Variants in DOCK4 observed in about 807,000 individuals in gnomAD.
DOCK4 encodes dedicator of cytokinesis protein 4.
DOCK4 carries 97 observed loss-of-function variants against 268.1 expected under a neutral mutation model. The observed-to-expected ratio is 0.36, with a 90% CI of 0.31 to 0.43. The LOEUF is 0.43. Ranked by LOEUF, DOCK4 falls within the 20% of genes least tolerant of loss-of-function variation. The pLI is 1.00. For synonymous variants in DOCK4, 954 were observed against 887.2 expected (o/e 1.08, Z -1.34); for missense variants, 2,145 against 2,455.7 (o/e 0.87, Z 2.67).
intron 47 of DOCK4, 151 bp from the exon 48 acceptor site, chr7:111,739,628 A>G: frequency 1.5e-6 from 1 of 655,476 alleles, no homozygotes; most frequent in Non-Finnish European, 2.6e-6. Flanking sequence ...AGATTGACAA[A>G]GAAGTCTGCA....
chr7:111,726,244 G>A lies in DOCK4; in HGVS notation c.*2030C>T, dbSNP rs1471858773. The A allele has an allele frequency of 1.3e-5, 2 of 150,252 alleles. No individual in the cohort carries two copies. 9.3% of individuals were successfully genotyped at this position (150,252 alleles called of 1,614,324 possible). A position where few individuals can be genotyped will look rare whatever the true frequency, so the allele number is the denominator to read the frequency against. On this transcript the variant is annotated 3_prime_UTR_variant, in exon 53 of 53. Coordinates refer to ENST00000428084, the MANE Select transcript of DOCK4 (RefSeq NM_001363540.2). The stretch of plus-strand genomic sequence containing the variant: ...AAATACACACACATGATAAATTCAA[G>A]ATAAATTCAACTGCTCACTGCCAAA...
intron 41 of DOCK4, among the ~76,000 whole-genome samples, chr7:111,757,443 CAAG>C (rs1488298235): frequency 1.3e-5 from 2 of 152,110 alleles, no homozygotes. Context: ...AAAGCAACTG[CAAG>C]AAGAACTATA....
At chr7:112,129,604 A>G (rs180943333) in intron 1 of DOCK4, among the ~76,000 whole-genome samples, 3 of 152,318 alleles carry the variant, frequency 2.0e-5, no homozygotes, top group African/African-American at 4.8e-5. Flanking sequence ...TTTTGATATA[A>G]CTGTATAAGA....
chr7:112,120,076 T>G (rs974968977), intron 1 of DOCK4, among the ~76,000 whole-genome samples: 1 of 152,118 alleles, frequency 6.6e-6, no homozygotes, highest in African/African-American at 2.4e-5. Flanking sequence ...CTCGATCTCC[T>G]GACCTAGTGA....
chr7:111,784,568 A>G (rs1799035991), intron 32 of DOCK4: 2 of 429,240 alleles, frequency 4.7e-6, no homozygotes, highest in Non-Finnish European at 9.4e-6. Context: ...CTAATCACAG[A>G]GGATTTTCCA....
intron 1 of DOCK4, among the ~76,000 whole-genome samples, chr7:112,024,434 C>G (rs1802596932): frequency 1.3e-5 from 2 of 152,186 alleles, no homozygotes; most frequent in African/African-American, 4.8e-5. Flanking sequence ...TACTGTTAGC[C>G]TTCCATCCCA....
intron 1 of DOCK4, among the ~76,000 whole-genome samples, chr7:112,101,845 CTTT>C (rs72188849): frequency 0.32 from 47,208 of 146,304 alleles, 7,844 homozygotes; most frequent in Non-Finnish European, 0.38. Context: ...TTTTCTTTTT[CTTT>C]TTTTTTTTTT....
chr7:111,998,174 C>T (rs915954437), intron 4 of DOCK4, among the ~76,000 whole-genome samples: 1 of 152,138 alleles, frequency 6.6e-6, no homozygotes, highest in East Asian at 1.9e-4. Flanking sequence ...CCAAAAAGAA[C>T]CAACTCCTTC....
At position 112,165,368 on chromosome 7, in the gene DOCK4, G is replaced by A. The variant is rs145293615; in HGVS notation, c.37+40734C>T. ...ATCTATCTATCTTTCCATGCTCTAC[G>A]TCCATGTGATCAGATTTTTTAGCTC... On this transcript the variant is annotated intron_variant, in intron 1 of 52. Transcript: ENST00000428084. 7.4e-3 allele frequency among the ~76,000 whole-genome samples: 1,122 copies of A among 151,376 alleles called. 20 individuals carry two copies. Among genetic ancestry groups the A allele is most frequent in the African/African-American group, 0.026 (1,062 of 41,124 alleles).
chr7:112,109,952 G>T (rs1194079266), intron 1 of DOCK4, among the ~76,000 whole-genome samples: 4 of 151,086 alleles, frequency 2.6e-5, no homozygotes, highest in Non-Finnish European at 5.9e-5. Flanking sequence ...CACTGTGTTA[G>T]CCAGGATGGT....
chr7:111,862,482 C>CTTTT (rs1168060750), intron 23 of DOCK4, among the ~76,000 whole-genome samples: 3 of 83,380 alleles, frequency 3.6e-5, no homozygotes, highest in African/African-American at 5.2e-5. Flanking sequence ...GAAAATCATT[C>CTTTT]TTTTTTTTTT....
intron 8 of DOCK4, among the ~76,000 whole-genome samples, chr7:111,972,487 G>A (rs1797798061): frequency 6.6e-6 from 1 of 152,088 alleles, no homozygotes; most frequent in African/African-American, 2.4e-5. Flanking sequence ...CTTCTTAAAG[G>A]AGGAATTTTT....
chr7:111,873,463 T>C (rs1464091674), intron 17 of DOCK4, among the ~76,000 whole-genome samples: 3 of 152,168 alleles, frequency 2.0e-5, no homozygotes, highest in African/African-American at 7.2e-5. Flanking sequence ...CTGGTAGAAC[T>C]GGCCTCAGGG....
In DOCK4 at chr7:112,082,416, A is replaced by G. The variant is rs189236286; in HGVS notation, c.38-78285T>C. 3.9e-5 allele frequency among the ~76,000 whole-genome samples: 6 copies of G among 152,276 alleles called. No homozygotes were observed. In the East Asian group the frequency reaches 1.2e-3, roughly 29 times the overall value. On this transcript the variant is annotated intron_variant, in intron 1 of 52. Transcript: ENST00000428084. ...CCAGAGAAAAAAAGGAAGAATGGCT[A>G]GAAATAGCGGGGGTGGTTGCTGTGG...
At chr7:112,118,867 A>C (rs1812433530) in intron 1 of DOCK4, among the ~76,000 whole-genome samples, 1 of 152,180 alleles carries the variant, frequency 6.6e-6, no homozygotes, top group African/African-American at 2.4e-5. Context: ...CAGTTTCTTC[A>C]ATAACCACCC....
At chr7:111,983,862 G>GCGCGCGCACA in intron 7 of DOCK4, among the ~76,000 whole-genome samples, 5 of 138,560 alleles carry the variant, frequency 3.6e-5, no homozygotes, top group African/African-American at 1.4e-4. Flanking sequence ...GCGCGCGCGC[G>GCGCGCGCACA]CACACACACA....
At chr7:111,845,985 C>A (rs552875991) in intron 24 of DOCK4, among the ~76,000 whole-genome samples, 1 of 152,244 alleles carries the variant, frequency 6.6e-6, no homozygotes, top group South Asian at 2.1e-4. Context: ...ACCTTTGGGG[C>A]CTGGATCATG....
At chr7:111,930,044 A>G (rs17452055) in intron 12 of DOCK4, among the ~76,000 whole-genome samples, 6,868 of 152,270 alleles carry the variant, frequency 0.045, 206 homozygotes, top group Middle Eastern at 0.15. Flanking sequence ...CAGAGGTGAA[A>G]TTTATAATAA....
intron 16 of DOCK4, among the ~76,000 whole-genome samples, chr7:111,889,361 G>A (rs1191799079): frequency 6.6e-6 from 1 of 152,132 alleles, no homozygotes; most frequent in African/African-American, 2.4e-5. Context: ...TCTTTTAGAA[G>A]AGTTGGGGGA....
Sources: gnomAD v4.1 joint callset for allele counts (sites outside exome capture counted in the v4.1 genomes callset) on GRCh38, gnomAD v4.1.1 for gene constraint, MANE v1.5 for transcripts, NCBI Gene and HGNC (gene_info 2026-07-23, HGNC 2026-07-21) for gene names.